ZNF90: variants seen among roughly 807,000 people sequenced by gnomAD.
ZNF90 encodes the protein zinc finger protein HTF9.
ZNF90 carries 11 observed loss-of-function variants against 12.0 expected under a neutral mutation model. The ratio of observed to expected loss-of-function variants is 0.92; its 90% CI spans 0.58 to 1.52. The LOEUF is 1.52. Ranked by LOEUF, ZNF90 falls within the 40% of genes most tolerant of loss-of-function variation. ZNF90 has a pLI of 0.00. For synonymous variants in ZNF90, 232 were observed against 240.1 expected, an observed-to-expected ratio of 0.97 and a Z score of 0.31; for missense variants, 765 against 711.5, an observed-to-expected ratio of 1.08 and a Z score of -0.86.
intron 1 of ZNF90, among the ~76,000 whole-genome samples, chr19:20,082,163 A>C (rs935038580): frequency 1.3e-5 from 2 of 151,806 alleles, no homozygotes; most frequent in African/African-American, 4.8e-5. Flanking sequence ...TGCAGATTTT[A>C]TCACTGAGAT....
chr19:20,079,158 A>T (rs7246986), intron 1 of ZNF90, among the ~76,000 whole-genome samples: 26,546 of 150,564 alleles, frequency 0.18, 5,009 homozygotes, highest in African/African-American at 0.47. Context: ...TAAAATTTCC[A>T]TCCTTTATGT....
chr19:20,117,013 TTGTGTGTGTGTGTG>T (rs371655051), intron 3 of ZNF90, among the ~76,000 whole-genome samples: 1 of 128,666 alleles, frequency 7.8e-6, no homozygotes, highest in Non-Finnish European at 1.6e-5. Flanking sequence ...CAACTTACAT[TTGTGTGTGTGTGTG>T]TGTGTGTGTG....
intron 1 of ZNF90, among the ~76,000 whole-genome samples, chr19:20,088,947 C>G (rs188663268): frequency 6.6e-6 from 1 of 152,220 alleles, no homozygotes; most frequent in East Asian, 1.9e-4. Flanking sequence ...GTCCTATTTG[C>G]AAATTGAATT....
At chr19:20,078,253 C>T in intron 1 of ZNF90, 118 bp downstream of exon 1, 1 of 1,363,080 alleles carries the variant, frequency 7.3e-7, no homozygotes, top group African/African-American at 1.4e-5. Context: ...CGACCGACTT[C>T]TCCTTGCCCA....
rs1568286395 is a variant in ZNF90 at position 20,098,603 on chromosome 19, T to A, written c.4-5636T>A. ...AGCAAATCAGGACAGGAGATCCAGG[T>A]TCTGGAGCTCCACCAAGGCAGTTCC... On this transcript the variant is annotated intron_variant, in intron 1 of 3. Transcript: ENST00000418063. Among the ~76,000 whole-genome samples, 4 of 152,344 alleles carry A rather than the reference T, an allele frequency of 2.6e-5. No individual in the cohort carries two copies. The East Asian group carries it at 7.7e-4, about 29-fold the overall frequency.
Position 20,119,217 on chromosome 19 carries a change from C to T in ZNF90, c.1663C>T (p.His555Tyr). 6.2e-7 allele frequency: 1 copy of T among 1,613,798 alleles called. No homozygotes were observed. Reference protein sequence around the residue: ...AFKRSSQLTSHKISHTGEKPY... With the variant: ...AFKRSSQLTSYKISHTGEKPY... ...TAAGCGCTCCTCACAGCTTACTAGT[C>T]ATAAGATAAGTCATACTGGAGAGAA... The change falls in exon 4 of 4, where the codon CAT (histidine) becomes TAT (tyrosine). Residue 555 changes from histidine (H) to tyrosine (Y), a missense_variant. By Grantham distance (83) the His-to-Tyr change is moderately conservative. Coordinates refer to ENST00000418063, the MANE Select transcript of ZNF90 (RefSeq NM_007138.2).
At chr19:20,080,236 A>AC (rs1433323854) in intron 1 of ZNF90, 1 of 583,058 alleles carries the variant, frequency 1.7e-6, no homozygotes, top group East Asian at 4.5e-5. Context: ...GTTGATGAGC[A>AC]CGATGCAATT....
chr19:20,080,226 G>A (rs763709611), intron 1 of ZNF90: 2 of 581,362 alleles, frequency 3.4e-6, no homozygotes, highest in Non-Finnish European at 6.8e-6. Flanking sequence ...ACGGTGTGCT[G>A]TTGATGAGCA....
At chr19:20,112,590 G>A (rs868919150) in intron 3 of ZNF90, among the ~76,000 whole-genome samples, 1 of 152,114 alleles carries the variant, frequency 6.6e-6, no homozygotes, top group Admixed American at 6.5e-5. Flanking sequence ...CCAAAGTGTT[G>A]GGATTACAGG....
intron 1 of ZNF90, among the ~76,000 whole-genome samples, chr19:20,084,938 T>G (rs1282195855): frequency 6.6e-6 from 1 of 152,172 alleles, no homozygotes; most frequent in African/African-American, 2.4e-5. Flanking sequence ...CATTGGTCAA[T>G]TTTTGCTTTT....
At chr19:20,097,395 C>T (rs2088956808) in intron 1 of ZNF90, among the ~76,000 whole-genome samples, 1 of 152,100 alleles carries the variant, frequency 6.6e-6, no homozygotes, top group Admixed American at 6.5e-5. Flanking sequence ...GTGTCTCAGC[C>T]TATTTATTAA....
At chr19:20,117,568 C>T in intron 3 of ZNF90, 1 of 984,190 alleles carries the variant, frequency 1.0e-6, no homozygotes, top group Non-Finnish European at 1.2e-6. Flanking sequence ...TCCCAAGTAG[C>T]TGGGATTTGC....
intron 1 of ZNF90, among the ~76,000 whole-genome samples, chr19:20,100,891 T>A (rs1045383742): frequency 7.2e-5 from 11 of 152,098 alleles, no homozygotes; most frequent in African/African-American, 2.7e-4. Context: ...AAATCATGTA[T>A]CACCTGAGAG....
chr19:20,118,630 A>G lies in ZNF90; in HGVS notation c.1076A>G (p.His359Arg), dbSNP rs781980053. Residue 359 changes from histidine to arginine, a missense_variant, in exon 4 of 4, where the codon CAT becomes CGT. Transcript: ENST00000418063. Reference sequence around the variant, plus strand: ...AGGCGCTCCTTAGTCCTTCGTACACATAAGAGAATTCATACTGGAGAGAAA... The same window carrying G: ...AGGCGCTCCTTAGTCCTTCGTACACGTAAGAGAATTCATACTGGAGAGAAA... ...AFRRSLVLRT[H>R]KRIHTGEKPY... is the part of the protein sequence containing the mutation. 2.4e-5 allele frequency: 38 copies of G among 1,612,308 alleles called. No individual in the cohort carries two copies. Among genetic ancestry groups the G allele is most frequent in the South Asian group, 2.3e-4 (21 of 90,776 alleles).
chr19:20,095,677 C>A (rs1206414000), intron 1 of ZNF90, among the ~76,000 whole-genome samples: 1 of 151,482 alleles, frequency 6.6e-6, no homozygotes, highest in Non-Finnish European at 1.5e-5. Flanking sequence ...GGGATTGGGG[C>A]ACAGAGATAA....
At chr19:20,111,852 C>T (rs868946670) in intron 3 of ZNF90, among the ~76,000 whole-genome samples, 3 of 140,636 alleles carry the variant, frequency 2.1e-5, no homozygotes, top group African/African-American at 3.1e-5. Context: ...TATTTATTAA[C>T]AGATTTATGC....
At chr19:20,102,438 G>A (rs1005299457) in intron 1 of ZNF90, among the ~76,000 whole-genome samples, 7 of 152,224 alleles carry the variant, frequency 4.6e-5, no homozygotes, top group Non-Finnish European at 7.3e-5. Flanking sequence ...TCCAACCCTA[G>A]CCAATAGCAG....
intron 1 of ZNF90, 75 bp from the exon 2 acceptor site, chr19:20,104,164 C>T: frequency 6.3e-7 from 1 of 1,595,304 alleles, no homozygotes; most frequent in Non-Finnish European, 8.6e-7. Flanking sequence ...TCTCCAATTT[C>T]ACCTTAACTC....
chr19:20,103,923 T>C, intron 1 of ZNF90, among the ~76,000 whole-genome samples: 1 of 152,216 alleles, frequency 6.6e-6, no homozygotes, highest in Non-Finnish European at 1.5e-5. Flanking sequence ...CTGAAAAATA[T>C]TCACAACTCA....
Sources: allele counts gnomAD v4.1 joint callset (sites outside exome capture counted in the v4.1 genomes callset), GRCh38; gene constraint gnomAD v4.1.1; transcripts MANE v1.5; gene names NCBI Gene and HGNC (gene_info 2026-07-23, HGNC 2026-07-21).